Variants in APOL5 observed in about 807,000 individuals in gnomAD.
The protein encoded by APOL5 is apolipoprotein L5.
A neutral mutation model predicts 35.5 loss-of-function variants in APOL5; 29 were observed. That is an observed-to-expected ratio of 0.82 (90% CI 0.61 to 1.11). The LOEUF (loss-of-function observed/expected upper bound fraction) is 1.11, where lower values mean the gene tolerates loss of function less well. APOL5 is among the 50% of genes most tolerant of loss of function. The probability of loss-of-function intolerance (pLI) is 0.00; values close to 1 mark genes in which losing one functional copy is unlikely to be tolerated. For synonymous variants in APOL5, 188 were observed against 200.2 expected (o/e 0.94, Z 0.51); for missense variants, 514 against 530.4 (o/e 0.97, Z 0.30).
intron 2 of APOL5, among the ~76,000 whole-genome samples, chr22:35,722,135 A>G (rs530422316): frequency 2.4e-4 from 36 of 152,226 alleles, no homozygotes; most frequent in African/African-American, 8.7e-4. Flanking sequence ...AGGCACAGCC[A>G]TTTTTCTTAT....
intron 1 of APOL5, 131 bp downstream of exon 1, chr22:35,718,057 C>T: frequency 1.6e-6 from 1 of 632,578 alleles, no homozygotes; most frequent in Non-Finnish European, 2.4e-6. Context: ...TATAGCAGAT[C>T]CTTGGTTTTA....
upstream of APOL5, among the ~76,000 whole-genome samples, chr22:35,713,530 C>T (rs745747855): frequency 4.6e-5 from 7 of 152,172 alleles, no homozygotes; most frequent in Non-Finnish European, 8.8e-5. Context: ...TATCTGTTTA[C>T]GAATTCCCAT....
In APOL5 at chr22:35,726,592, G is replaced by A. The variant is rs1309536152; in HGVS notation, c.524G>A (p.Gly175Glu). The A allele has an allele frequency of 6.2e-7, 1 of 1,614,114 alleles. No homozygotes were observed. Among genetic ancestry groups the A allele is most frequent in the South Asian group, 1.1e-5 (1 of 91,064 alleles). ...CTCATGCTCTCAGCAACTGGGACAG[G>A]GTTGGGGGCAGCAGCTGCCATCACC... ...GSLMLSATGT[G>E]LGAAAAITNI... Residue 175 changes from glycine to glutamate, a missense_variant, in exon 3 of 5, where the codon GGG becomes GAG. By Grantham distance (98) the Gly-to-Glu change is moderately conservative (BLOSUM62 -2). Coordinates refer to ENST00000249044, the MANE Select transcript of APOL5 (RefSeq NM_030642.1).
chr22:35,717,235 A>AAATATATATATATATATATATATAT, upstream of APOL5, among the ~76,000 whole-genome samples: 2 of 57,658 alleles, frequency 3.5e-5, no homozygotes, highest in African/African-American at 1.6e-4. Context: ...AAAAAAAAAA[A>AAATATATATATATATATATATATAT]ATATATATAT....
At chr22:35,717,123 C>T (rs903204708), upstream of APOL5, among the ~76,000 whole-genome samples, 7 of 150,502 alleles carry the variant, frequency 4.7e-5, no homozygotes, top group African/African-American at 1.7e-4. Context: ...CAGTGGCTCA[C>T]ACCTGTAATC....
chr22:35,710,113 C>CTTTTTTTTTTTTTTT, the APOL5 span, among the ~76,000 whole-genome samples: 4 of 86,668 alleles, frequency 4.6e-5, no homozygotes, highest in African/African-American at 2.1e-4. Flanking sequence ...CTTTCTTTCT[C>CTTTTTTTTTTTTTTT]TTTTTTTTTT....
chr22:35,711,722 C>T, the APOL5 span, among the ~76,000 whole-genome samples: 1 of 149,006 alleles, frequency 6.7e-6, no homozygotes, highest in African/African-American at 2.5e-5. Context: ...GTCGCCCAGG[C>T]TGGAGTGCAG....
intron 1 of APOL5, among the ~76,000 whole-genome samples, chr22:35,718,952 G>A (rs1032079341): frequency 4.0e-5 from 6 of 151,892 alleles, no homozygotes; most frequent in African/African-American, 9.7e-5. Flanking sequence ...GCAACAACTC[G>A]GGAGGCTGAG....
chr22:35,728,955 G>C, intron 4 of APOL5, 51 bp downstream of exon 4: 4 of 1,513,332 alleles, frequency 2.6e-6, no homozygotes, highest in South Asian at 1.3e-5. Context: ...TGACAGTGAA[G>C]TAACCCCTCC....
intron 3 of APOL5, among the ~76,000 whole-genome samples, chr22:35,728,149 G>A (rs1252240522): frequency 1.3e-5 from 2 of 152,206 alleles, no homozygotes; most frequent in Non-Finnish European, 2.9e-5. Context: ...ACTGATGAGT[G>A]GGTGGGTCCC....
chr22:35,726,657 G>C lies in APOL5; in HGVS notation c.589G>C (p.Ala197Pro), dbSNP rs745907508. Residue 197 changes from alanine to proline, a missense_variant, in exon 3 of 5, where the codon GCA (alanine) becomes CCA (proline). Ala to Pro is a conservative substitution (Grantham distance 27). This residue lies in a region of APOL5 where 254 missense variants were observed against 254.7 expected (regional missense o/e 1.00). Coordinates refer to ENST00000249044, the MANE Select transcript of APOL5 (RefSeq NM_030642.1). The part of the protein sequence containing the change: ...TNVLENRSNS[A>P]ARDKASRLGP... ...TGTCTTAGAAAATAGAAGCAATTCA[G>C]CAGCAAGAGACAAAGCCAGCCGACT... 1 of 1,614,222 alleles carries C rather than the reference G, an allele frequency of 6.2e-7. No homozygotes were observed. The highest frequency in any genetic ancestry group is 2.2e-5 in the East Asian group (1 of 44,880).
At chr22:35,728,137 A>G (rs1275104814) in intron 3 of APOL5, among the ~76,000 whole-genome samples, 1 of 152,244 alleles carries the variant, frequency 6.6e-6, no homozygotes, top group Admixed American at 6.5e-5. Context: ...ACTGCAAAAA[A>G]TACTGATGAG....
chr22:35,717,041 T>G (rs570469574), upstream of APOL5, among the ~76,000 whole-genome samples: 7 of 151,196 alleles, frequency 4.6e-5, no homozygotes, highest in South Asian at 8.5e-4. Flanking sequence ...TGGGTGTATT[T>G]CTAGAGGTGG....
chr22:35,715,581 G>T (rs1363229200), upstream of APOL5, among the ~76,000 whole-genome samples: 2 of 152,162 alleles, frequency 1.3e-5, no homozygotes, highest in Admixed American at 1.3e-4. Flanking sequence ...GGGAGGCAGA[G>T]GTTGCAAAGC....
chr22:35,727,752 C>T (rs889738984), intron 3 of APOL5, among the ~76,000 whole-genome samples: 4 of 152,128 alleles, frequency 2.6e-5, no homozygotes, highest in African/African-American at 4.8e-5. Flanking sequence ...TGTTGAATGA[C>T]GTGAATGTGG....
upstream of APOL5, among the ~76,000 whole-genome samples, chr22:35,713,412 G>A (rs1312615239): frequency 1.3e-5 from 2 of 152,140 alleles, no homozygotes; most frequent in African/African-American, 2.4e-5. Context: ...CTCTCTCTGG[G>A]GTAGCTTCCT....
At chr22:35,717,415 A>G (rs2145995219), upstream of APOL5, among the ~76,000 whole-genome samples, 1 of 148,496 alleles carries the variant, frequency 6.7e-6, no homozygotes, top group Non-Finnish European at 1.5e-5. Flanking sequence ...AAAGAAAAAA[A>G]AAAAAGAAAG....
intron 1 of APOL5, among the ~76,000 whole-genome samples, chr22:35,719,883 G>A (rs1019323003): frequency 3.3e-5 from 5 of 152,210 alleles, no homozygotes; most frequent in East Asian, 1.9e-4. Context: ...AGGTTTTATC[G>A]AGTGTAGTTC....
the APOL5 span, among the ~76,000 whole-genome samples, chr22:35,709,682 A>G: frequency 6.6e-6 from 1 of 152,108 alleles, no homozygotes; most frequent in Non-Finnish European, 1.5e-5. Context: ...TCCAAGGAGC[A>G]TATGTTGGCA....
Sources: gnomAD v4.1 joint callset for allele counts (sites outside exome capture counted in the v4.1 genomes callset) on GRCh38, gnomAD v4.1.1 for gene constraint, gnomAD v4.1.1 regional missense constraint, MANE v1.5 for transcripts, NCBI Gene and HGNC (gene_info 2026-07-23, HGNC 2026-07-21) for gene names.